MYO6: variants seen among roughly 807,000 people sequenced by gnomAD.
MYO6 encodes the protein unconventional myosin-VI.
A neutral mutation model predicts 178.7 loss-of-function variants in MYO6; 74 were observed. The ratio of observed to expected loss-of-function variants is 0.41; its 90% CI spans 0.34 to 0.50. The LOEUF (loss-of-function observed/expected upper bound fraction) is 0.50, where lower values mean the gene tolerates loss of function less well. MYO6 is among the 20% of genes least tolerant of loss of function. The probability of loss-of-function intolerance (pLI) is 0.09; values close to 1 mark genes in which losing one functional copy is unlikely to be tolerated. For synonymous variants in MYO6, 477 were observed against 504.6 expected, an observed-to-expected ratio of 0.95 and a Z score of 0.73; for missense variants, 1,330 against 1,547.4, an observed-to-expected ratio of 0.86 and a Z score of 2.36.
intron 23 of MYO6, among the ~76,000 whole-genome samples, chr6:75,885,087 A>G (rs1417995002): frequency 5.3e-5 from 8 of 152,246 alleles, no homozygotes. Context: ...GCCTACACCC[A>G]GGAATGAACA....
chr6:75,752,489 C>T (rs1279789339), intron 1 of MYO6, among the ~76,000 whole-genome samples: 1 of 152,152 alleles, frequency 6.6e-6, no homozygotes, highest in Non-Finnish European at 1.5e-5. Context: ...AATGCTTGCT[C>T]CAGAAGGGCA....
intron 30 of MYO6, among the ~76,000 whole-genome samples, chr6:75,899,760 G>A (rs1373865924): frequency 1.4e-5 from 2 of 144,198 alleles, no homozygotes; most frequent in Admixed American, 7.0e-5. Flanking sequence ...TATACTTTAA[G>A]TTTTAGGGTA....
intron 29 of MYO6, among the ~76,000 whole-genome samples, chr6:75,898,021 CAT>C (rs1357155351): frequency 6.6e-6 from 1 of 152,162 alleles, no homozygotes. Flanking sequence ...CAAAAATCCT[CAT>C]ATGGAATCTA....
intron 1 of MYO6, among the ~76,000 whole-genome samples, chr6:75,765,589 TA>T (rs199503190): frequency 4.0e-5 from 6 of 150,648 alleles, no homozygotes; most frequent in South Asian, 2.1e-4. Flanking sequence ...TTTCACCTCT[TA>T]AAAAAAAAAT....
intron 1 of MYO6, among the ~76,000 whole-genome samples, chr6:75,809,908 A>AC (rs1192016220): frequency 6.7e-6 from 1 of 148,820 alleles, no homozygotes; most frequent in Non-Finnish European, 1.5e-5. Context: ...GCTAAAAAAA[A>AC]AAAAAAAACA....
chr6:75,798,897 T>C, intron 1 of MYO6, among the ~76,000 whole-genome samples: 1 of 152,222 alleles, frequency 6.6e-6, no homozygotes, highest in East Asian at 1.9e-4. Context: ...GATAAATGAC[T>C]TCAGTAATGT....
chr6:75,822,905 T>A, intron 3 of MYO6, 54 bp downstream of exon 3: 1 of 1,382,090 alleles, frequency 7.2e-7, no homozygotes. Context: ...ACTGTTCTTT[T>A]AAAAAAATAA....
At chr6:75,844,526 C>T (rs538453334) in intron 9 of MYO6, among the ~76,000 whole-genome samples, 66 of 152,010 alleles carry the variant, frequency 4.3e-4, no homozygotes, top group Non-Finnish European at 8.4e-4. Context: ...ACTATCGGTT[C>T]TTACTTGAGA....
At chr6:75,811,612 C>T (rs1374109718) in intron 1 of MYO6, among the ~76,000 whole-genome samples, 6 of 152,044 alleles carry the variant, frequency 3.9e-5, no homozygotes, top group African/African-American at 1.4e-4. Flanking sequence ...GGGAGTTTTG[C>T]TTTGCTGTGA....
chr6:75,770,413 T>C (rs1765758243), intron 1 of MYO6, among the ~76,000 whole-genome samples: 1 of 152,212 alleles, frequency 6.6e-6, no homozygotes, highest in South Asian at 2.1e-4. Flanking sequence ...TCTCATGTTG[T>C]TTATTATATA....
At chr6:75,913,617 C>A (rs1780930823) in intron 33 of MYO6, among the ~76,000 whole-genome samples, 1 of 152,170 alleles carries the variant, frequency 6.6e-6, no homozygotes, top group Non-Finnish European at 1.5e-5. Flanking sequence ...TGTCTACATC[C>A]TTCAGATTTT....
intron 1 of MYO6, among the ~76,000 whole-genome samples, chr6:75,767,756 A>T (rs921862822): frequency 2.6e-5 from 4 of 152,004 alleles, no homozygotes; most frequent in Non-Finnish European, 5.9e-5. Context: ...AGCTCAAGCC[A>T]TCTGCTTGCC....
chr6:75,809,787 G>T (rs111796477), intron 1 of MYO6, among the ~76,000 whole-genome samples: 2,641 of 151,872 alleles, frequency 0.017, 71 homozygotes, highest in African/African-American at 0.06. Flanking sequence ...TGTCAGCCCG[G>T]CGTGCTGGCT....
At chr6:75,836,510 T>G (rs1271618422) in intron 7 of MYO6, among the ~76,000 whole-genome samples, 1 of 152,164 alleles carries the variant, frequency 6.6e-6, no homozygotes, top group Non-Finnish European at 1.5e-5. Context: ...CTGTTTTGTC[T>G]CTTCACTTAG....
chr6:75,825,400 C>T (rs1356765008), intron 3 of MYO6, among the ~76,000 whole-genome samples: 1 of 152,136 alleles, frequency 6.6e-6, no homozygotes, highest in Non-Finnish European at 1.5e-5. Flanking sequence ...TGAGACCAGC[C>T]TGGCCAACAT....
chr6:75,896,521 A>G (rs1172232070), intron 29 of MYO6, among the ~76,000 whole-genome samples: 2 of 152,242 alleles, frequency 1.3e-5, no homozygotes, highest in African/African-American at 4.8e-5. Context: ...TCAATTACAC[A>G]GTATTTGCGT....
At position 75,833,091 on chromosome 6, in the gene MYO6, A is replaced by G. The variant is rs1773283894; in HGVS notation, c.497+144A>G. 3 of 678,728 alleles carry G rather than the reference A, an allele frequency of 4.4e-6. No individual in the cohort carries two copies. The East Asian group carries it at 8.2e-5, about 19-fold the overall frequency. The allele number at this position is 678,728 out of a possible 1,614,324, so 42.0% of individuals were successfully genotyped here. On this transcript the variant is annotated intron_variant, in intron 6 of 34. Transcript: ENST00000369977. ...AGCCTTGACCTCCTGGGCTCAAGCC[A>G]CTGTTCCACCTCATTCTCCCGAATG...
At chr6:75,879,680 T>C in intron 20 of MYO6, 140 bp from the exon 21 acceptor site, 1 of 1,145,050 alleles carries the variant, frequency 8.7e-7, no homozygotes, top group Non-Finnish European at 1.3e-6. Context: ...CATAAATATT[T>C]TCCTATATAA....
intron 1 of MYO6, among the ~76,000 whole-genome samples, chr6:75,815,834 C>A (rs964802358): frequency 5.9e-5 from 9 of 152,174 alleles, no homozygotes; most frequent in South Asian, 4.1e-4. Context: ...AGGATTATGG[C>A]ACATGAATCA....
Sources: gnomAD v4.1 joint callset for allele counts (sites outside exome capture counted in the v4.1 genomes callset) on GRCh38, gnomAD v4.1.1 for gene constraint, MANE v1.5 for transcripts, NCBI Gene and HGNC (gene_info 2026-07-23, HGNC 2026-07-21) for gene names.